Variants in PIK3CA observed in about 807,000 individuals in gnomAD.
The protein encoded by PIK3CA is phosphatidylinositol 4,5-bisphosphate 3-kinase catalytic subunit alpha isoform.
A neutral mutation model predicts 138.2 loss-of-function variants in PIK3CA; 27 were observed. The ratio of observed to expected loss-of-function variants is 0.20; its 90% CI spans 0.14 to 0.27. PIK3CA has a LOEUF of 0.27. Ranked by LOEUF, PIK3CA falls within the 10% of genes least tolerant of loss-of-function variation. The probability of loss-of-function intolerance (pLI) is 1.00; values close to 1 mark genes in which losing one functional copy is unlikely to be tolerated. For missense variants in PIK3CA, 544 were observed against 1,277.4 expected (o/e 0.43, Z 8.75); for synonymous variants, 358 against 413.2 (o/e 0.87, Z 1.62).
At chr3:179,162,628 A>G (rs549445118) in intron 1 of PIK3CA, among the ~76,000 whole-genome samples, 2 of 152,346 alleles carry the variant, frequency 1.3e-5, no homozygotes, top group African/African-American at 2.4e-5. Context: ...TTAAAAATCA[A>G]TAGTTCTTCC....
At chr3:179,197,037 C>T (rs908458312) in intron 1 of PIK3CA, among the ~76,000 whole-genome samples, 1 of 149,678 alleles carries the variant, frequency 6.7e-6, no homozygotes, top group Non-Finnish European at 1.5e-5. Context: ...TCTTGCTTAT[C>T]TTTTTTTTTT....
chr3:179,211,208 C>G (rs1724701628), intron 9 of PIK3CA, among the ~76,000 whole-genome samples: 1 of 151,968 alleles, frequency 6.6e-6, no homozygotes, highest in Non-Finnish European at 1.5e-5. Flanking sequence ...AAACACAGAC[C>G]ATACATGGTA....
chr3:179,153,955 T>C (rs1723071562), intron 1 of PIK3CA, among the ~76,000 whole-genome samples: 1 of 152,230 alleles, frequency 6.6e-6, no homozygotes, highest in Admixed American at 6.5e-5. Context: ...GATATACTAA[T>C]ATTTTATCAC....
chr3:179,199,551 A>G (rs1724354822), intron 2 of PIK3CA, 139 bp from the exon 3 acceptor site: 3 of 553,422 alleles, frequency 5.4e-6, no homozygotes, highest in East Asian at 2.8e-5. Flanking sequence ...GCATTCATCA[A>G]AAATTTGTTT....
In PIK3CA at chr3:179,230,912, G is replaced by A. The variant is rs187119247; in HGVS notation, c.2936+536G>A. 5.3e-5 allele frequency among the ~76,000 whole-genome samples: 8 copies of A among 152,054 alleles called. No individual in the cohort carries two copies. Among genetic ancestry groups the A allele is most frequent in the Admixed American group, 1.3e-4 (2 of 15,266 alleles). On this transcript the variant is annotated intron_variant, in intron 20 of 20. Transcript: ENST00000263967. The surrounding 1 kb of genome is among the most constrained non-coding windows in gnomAD (Gnocchi z 5.4). ...TAGTGGTAAAGTCTGAGATTTTAGC[G>A]CACCTGTAACCCAAGTAGTGTGCTT...
chr3:179,176,936 G>C (rs1395140025), intron 1 of PIK3CA, among the ~76,000 whole-genome samples: 1 of 152,194 alleles, frequency 6.6e-6, no homozygotes, highest in Non-Finnish European at 1.5e-5. Flanking sequence ...CAATCTGAGA[G>C]AGCTGTCTTT....
At chr3:179,233,308 C>T (rs996322892) in intron 20 of PIK3CA, 1 of 398,324 alleles carries the variant, frequency 2.5e-6, no homozygotes, top group Non-Finnish European at 4.4e-6. Context: ...GGAGTGCTTT[C>T]AGCTTTTCCC....
chr3:179,170,226 A>T (rs1348892412), intron 1 of PIK3CA, among the ~76,000 whole-genome samples: 1 of 152,254 alleles, frequency 6.6e-6, no homozygotes, highest in African/African-American at 2.4e-5. Context: ...CGAATAATTC[A>T]AGAAACAATC....
chr3:179,178,234 AC>A (rs1366436359), intron 1 of PIK3CA, among the ~76,000 whole-genome samples: 1 of 146,090 alleles, frequency 6.8e-6, no homozygotes, highest in African/African-American at 2.6e-5. Context: ...AGCCTGGGTG[AC>A]CAAGTGCGAC....
intron 9 of PIK3CA, among the ~76,000 whole-genome samples, chr3:179,215,671 G>A (rs1724820541): frequency 6.6e-6 from 1 of 152,144 alleles, no homozygotes; most frequent in Non-Finnish European, 1.5e-5. Context: ...AAGTATAGAA[G>A]AAGTCTGCAG....
chr3:179,170,715 C>T (rs1222814960), intron 1 of PIK3CA, among the ~76,000 whole-genome samples: 3 of 151,962 alleles, frequency 2.0e-5, no homozygotes, highest in Non-Finnish European at 4.4e-5. Flanking sequence ...AGGAACATTT[C>T]AAAATTATGA....
intron 4 of PIK3CA, 67 bp downstream of exon 4, chr3:179,201,607 G>GTATTT (rs1164821720): frequency 1.3e-6 from 1 of 792,928 alleles, no homozygotes; most frequent in Admixed American, 3.7e-5. Context: ...ATGAGTATCT[G>GTATTT]TATTTTTTTT....
At chr3:179,149,184 C>A (rs1722942027) in intron 1 of PIK3CA, among the ~76,000 whole-genome samples, 1 of 152,150 alleles carries the variant, frequency 6.6e-6, no homozygotes, top group Non-Finnish European at 1.5e-5. Context: ...CCCTTCCTTT[C>A]GAGGTTGTTT....
At chr3:179,187,806 T>C (rs1210401491) in intron 1 of PIK3CA, among the ~76,000 whole-genome samples, 2 of 151,132 alleles carry the variant, frequency 1.3e-5, no homozygotes, top group African/African-American at 4.9e-5. Flanking sequence ...CCTGGCTAAT[T>C]TTTTGTATTT....
intron 1 of PIK3CA, among the ~76,000 whole-genome samples, chr3:179,150,679 G>C (rs1356034252): frequency 6.6e-6 from 1 of 152,154 alleles, no homozygotes; most frequent in Non-Finnish European, 1.5e-5. Flanking sequence ...AGCCTTTCTG[G>C]TGGCAGAGCT....
chr3:179,224,168 C>T lies in PIK3CA; in HGVS notation c.2275C>T (p.His759Tyr), dbSNP rs1355632857. 3.2e-6 allele frequency: 5 copies of T among 1,564,878 alleles called. No individual in the cohort carries two copies. Among genetic ancestry groups the T allele is most frequent in the African/African-American group, 2.7e-5 (2 of 74,126 alleles). ...CTTTCTGTCTCCTCTAAACCCTGCT[C>T]ATCAACTAGGAAACCTCAGGTACTT... Reference protein sequence around the residue: ...QGFLSPLNPAHQLGNLRLEEC... With the variant: ...QGFLSPLNPAYQLGNLRLEEC... The change falls in exon 15 of 21, where the codon CAT (histidine) becomes TAT (tyrosine). Residue 759 changes from histidine (H) to tyrosine (Y), a missense_variant. Physicochemically the swap from His to Tyr is moderately conservative, Grantham distance 83 (BLOSUM62 2). Coordinates refer to ENST00000263967, the MANE Select transcript of PIK3CA (RefSeq NM_006218.4).
At chr3:179,169,617 G>A (rs1193363288) in intron 1 of PIK3CA, among the ~76,000 whole-genome samples, 1 of 152,060 alleles carries the variant, frequency 6.6e-6, no homozygotes, top group Non-Finnish European at 1.5e-5. Context: ...CAAAATTGCA[G>A]CAACTATTGT....
At chr3:179,156,627 G>A (rs991364820) in intron 1 of PIK3CA, among the ~76,000 whole-genome samples, 1 of 152,116 alleles carries the variant, frequency 6.6e-6, no homozygotes, top group Non-Finnish European at 1.5e-5. Context: ...AGAAAGCAGT[G>A]ATGTTTATGC....
chr3:179,196,597 T>G (rs1156563114), intron 1 of PIK3CA, among the ~76,000 whole-genome samples: 1 of 152,236 alleles, frequency 6.6e-6, no homozygotes, highest in Non-Finnish European at 1.5e-5. Context: ...TTGTTTCCTG[T>G]TAATTTCTGT....
Sources: gnomAD v4.1 joint callset for allele counts (sites outside exome capture counted in the v4.1 genomes callset) on GRCh38, gnomAD v4.1.1 for gene constraint, Gnocchi (gnomAD v3.1) non-coding constraint, MANE v1.5 for transcripts, NCBI Gene and HGNC (gene_info 2026-07-23, HGNC 2026-07-21) for gene names.